Variants in PALLD observed in about 807,000 individuals in gnomAD.
The protein encoded by PALLD is palladin.
In PALLD, 61 loss-of-function variants were observed where a neutral mutation model predicts 123.5. That is an observed-to-expected ratio of 0.49 (90% CI 0.40 to 0.61). The LOEUF (loss-of-function observed/expected upper bound fraction) is 0.61. Ranked by LOEUF, PALLD falls within the 20% of genes least tolerant of loss-of-function variation. The pLI, the probability that PALLD is intolerant of heterozygous loss-of-function variation, is 0.00. For synonymous variants in PALLD, 465 were observed against 496.4 expected (o/e 0.94, Z 0.84); for missense variants, 1,273 against 1,377.0 (o/e 0.92, Z 1.20).
intron 10 of PALLD, among the ~76,000 whole-genome samples, chr4:168,763,526 T>C (rs547525758): frequency 2.6e-5 from 4 of 152,240 alleles, no homozygotes; most frequent in African/African-American, 9.6e-5. Flanking sequence ...TCCAAGGTAT[T>C]TAAATGAAGT....
At chr4:168,587,493 C>G (rs1017761145) in intron 2 of PALLD, among the ~76,000 whole-genome samples, 1 of 152,328 alleles carries the variant, frequency 6.6e-6, no homozygotes, top group Middle Eastern at 3.4e-3. Context: ...CCAAACCAGT[C>G]TCTGCCAGGG....
intron 10 of PALLD, among the ~76,000 whole-genome samples, chr4:168,717,088 C>T (rs886919309): frequency 7.2e-5 from 11 of 152,072 alleles, no homozygotes; most frequent in East Asian, 1.9e-4. Flanking sequence ...TAATTATTTC[C>T]GACAGTTACT....
At chr4:168,543,265 G>C (rs748336520) in intron 2 of PALLD, among the ~76,000 whole-genome samples, 1 of 151,776 alleles carries the variant, frequency 6.6e-6, no homozygotes, top group Non-Finnish European at 1.5e-5. Flanking sequence ...TTAACAGATA[G>C]AAAGTAATTA....
At chr4:168,544,024 G>A (rs1007557228) in intron 2 of PALLD, among the ~76,000 whole-genome samples, 2 of 152,152 alleles carry the variant, frequency 1.3e-5, no homozygotes, top group East Asian at 3.8e-4. Context: ...CATTTTTACT[G>A]CCTGAATACT....
chr4:168,803,447 G>A (rs1055677311), intron 10 of PALLD, among the ~76,000 whole-genome samples: 5 of 152,170 alleles, frequency 3.3e-5, no homozygotes, highest in African/African-American at 1.2e-4. Context: ...ATTGTTGGGA[G>A]GCTGAGGTGA....
intron 2 of PALLD, among the ~76,000 whole-genome samples, chr4:168,630,106 C>T (rs1053484940): frequency 6.6e-5 from 10 of 152,252 alleles, no homozygotes; most frequent in Middle Eastern, 3.4e-3. Context: ...ATACAATGTC[C>T]TTCCTAATTC....
At chr4:168,514,896 A>G (rs940609674) in intron 2 of PALLD, among the ~76,000 whole-genome samples, 2 of 152,234 alleles carry the variant, frequency 1.3e-5, no homozygotes, top group African/African-American at 2.4e-5. Flanking sequence ...GGGGTCATCA[A>G]ATTCACACTT....
intron 10 of PALLD, among the ~76,000 whole-genome samples, chr4:168,793,377 CAT>C (rs1190734737): frequency 6.9e-6 from 1 of 145,826 alleles, no homozygotes; most frequent in East Asian, 2.0e-4. Context: ...ATATATATCA[CAT>C]ATATATACAC....
At chr4:168,678,874 C>T (rs1369622745) in intron 3 of PALLD, among the ~76,000 whole-genome samples, 4 of 117,096 alleles carry the variant, frequency 3.4e-5, no homozygotes, top group Admixed American at 8.6e-5. Flanking sequence ...GTGGGTGTGG[C>T]GTGTGTGTGG....
At chr4:168,922,912 T>G (rs1761863288) in intron 18 of PALLD, among the ~76,000 whole-genome samples, 1 of 152,182 alleles carries the variant, frequency 6.6e-6, no homozygotes. Context: ...TCAGATCTGC[T>G]CCAGTCCCGG....
At chr4:168,619,951 A>AGT (rs1449451894) in intron 2 of PALLD, among the ~76,000 whole-genome samples, 5 of 152,174 alleles carry the variant, frequency 3.3e-5, no homozygotes, top group Admixed American at 3.3e-4. Flanking sequence ...TTCCAATAGT[A>AGT]GTGATGAGTT....
chr4:168,739,947 A>G (rs1183736812), intron 10 of PALLD, among the ~76,000 whole-genome samples: 1 of 152,236 alleles, frequency 6.6e-6, no homozygotes, highest in African/African-American at 2.4e-5. Context: ...GATTTGAAAG[A>G]TACCATTGTT....
At chr4:168,588,464 CGTG>C (rs987311569) in intron 2 of PALLD, among the ~76,000 whole-genome samples, 1 of 151,914 alleles carries the variant, frequency 6.6e-6, no homozygotes, top group African/African-American at 2.4e-5. Flanking sequence ...AGTGCAGTGG[CGTG>C]CTCACCTCAC....
intron 2 of PALLD, among the ~76,000 whole-genome samples, chr4:168,629,738 T>A (rs919086989): frequency 6.6e-6 from 1 of 152,104 alleles, no homozygotes. Flanking sequence ...TAGTTCTCAT[T>A]TGGAGCACAA....
At position 168,916,038 on chromosome 4, in the gene PALLD, G is replaced by A. The variant is rs780035680; in HGVS notation, c.2850+11G>A. 8 of 1,612,058 alleles carry A rather than the reference G, an allele frequency of 5.0e-6. No homozygotes were observed. Among genetic ancestry groups the A allele is most frequent in the Non-Finnish European group, 6.8e-6 (8 of 1,179,064 alleles). ...AGAATGGACTGCAAAGTAAGATTTTGTTATTGCTTGCATATCCTATTGCCC... is the reference window on the plus strand; with the variant it reads ...AGAATGGACTGCAAAGTAAGATTTTATTATTGCTTGCATATCCTATTGCCC... On this transcript the variant is annotated intron_variant, in intron 17 of 21. Transcript: ENST00000505667.
At chr4:168,510,903 T>G (rs948130073) in intron 1 of PALLD, among the ~76,000 whole-genome samples, 5 of 152,306 alleles carry the variant, frequency 3.3e-5, no homozygotes, top group Admixed American at 1.3e-4. Flanking sequence ...CACCTGAAAT[T>G]TAATAAGTGA....
intron 2 of PALLD, among the ~76,000 whole-genome samples, chr4:168,650,949 T>C (rs938497668): frequency 2.0e-5 from 3 of 152,186 alleles, no homozygotes; most frequent in Non-Finnish European, 4.4e-5. Flanking sequence ...TAAATGTATT[T>C]ACAGATGGCT....
intron 2 of PALLD, among the ~76,000 whole-genome samples, chr4:168,627,827 C>T (rs1347877395): frequency 6.6e-6 from 1 of 152,048 alleles, no homozygotes; most frequent in Non-Finnish European, 1.5e-5. Context: ...ACAATAAGGC[C>T]ACAACAAAGG....
intron 6 of PALLD, 140 bp from the exon 7 acceptor site, chr4:168,690,463 A>G: frequency 9.7e-7 from 1 of 1,034,348 alleles, no homozygotes. Context: ...GTCAGTGCTA[A>G]TTATTTGATG....
Sources: gnomAD v4.1 joint callset for allele counts (sites outside exome capture counted in the v4.1 genomes callset) on GRCh38, gnomAD v4.1.1 for gene constraint, MANE v1.5 for transcripts, NCBI Gene and HGNC (gene_info 2026-07-23, HGNC 2026-07-21) for gene names.